SNAPC3: variants seen among roughly 807,000 people sequenced by gnomAD.
SNAPC3 encodes the protein small nuclear RNA activating complex polypeptide 3.
A neutral mutation model predicts 47.7 loss-of-function variants in SNAPC3; 56 were observed. The observed-to-expected ratio is 1.18, with a 90% confidence interval of 0.95 to 1.47. The LOEUF (loss-of-function observed/expected upper bound fraction) is 1.47, where lower values mean the gene tolerates loss of function less well. Ranked by LOEUF, SNAPC3 falls within the 40% of genes most tolerant of loss-of-function variation. SNAPC3 has a pLI of 0.00. For synonymous variants in SNAPC3, 235 were observed against 189.9 expected (o/e 1.24, Z -1.95); for missense variants, 665 against 511.3 (o/e 1.30, Z -2.90).
At chr9:15,456,559 C>A (rs1043580504) in intron 7 of SNAPC3, among the ~76,000 whole-genome samples, 5 of 152,068 alleles carry the variant, frequency 3.3e-5, no homozygotes, top group Admixed American at 2.6e-4. Flanking sequence ...CCTCAACCTC[C>A]TGGGCTGAAG....
At chr9:15,436,595 A>C (rs768732793) in intron 3 of SNAPC3, among the ~76,000 whole-genome samples, 4 of 152,114 alleles carry the variant, frequency 2.6e-5, no homozygotes, top group Non-Finnish European at 5.9e-5. Flanking sequence ...AACTTTGTTC[A>C]TGTTTTTCAA....
In SNAPC3 at chr9:15,450,140, T is replaced by G. The variant is rs543068850; in HGVS notation, c.733-1180T>G. ...TTTTGTATTGTAGCAGCTAGTCATA[T>G]GACATTAAGTACATTATACTTAATG... On this transcript the variant is annotated intron_variant, in intron 5 of 8. Coordinates refer to ENST00000380821, the MANE Select transcript of SNAPC3 (RefSeq NM_001039697.2). 3.3e-5 allele frequency among the ~76,000 whole-genome samples: 5 copies of G among 152,316 alleles called. No individual in the cohort carries two copies. In the South Asian group the frequency reaches 1.0e-3, roughly 32 times the overall value.
intron 8 of SNAPC3, 33 bp from the exon 9 acceptor site, chr9:15,459,686 G>A (rs748630357): frequency 1.7e-5 from 27 of 1,597,596 alleles, no homozygotes; most frequent in Non-Finnish European, 2.2e-5. Flanking sequence ...AAATTTGATT[G>A]TAATGATGTA....
chr9:15,423,780 C>G, intron 1 of SNAPC3, 129 bp from the exon 2 acceptor site: 1 of 481,520 alleles, frequency 2.1e-6, no homozygotes. Context: ...AAGTTCTGGC[C>G]TCTCTGAGCC....
chr9:15,430,126 C>G (rs1410374868), intron 2 of SNAPC3, among the ~76,000 whole-genome samples: 2 of 152,196 alleles, frequency 1.3e-5, no homozygotes, highest in Non-Finnish European at 2.9e-5. Flanking sequence ...CAATGACATT[C>G]ATAACATAGA....
chr9:15,433,408 A>G, intron 2 of SNAPC3, 144 bp from the exon 3 acceptor site: 1 of 643,860 alleles, frequency 1.6e-6, no homozygotes, highest in Non-Finnish European at 2.7e-6. Context: ...GGGAAGCTGA[A>G]CAAGAGATAG....
chr9:15,459,666 T>C, intron 8 of SNAPC3, 53 bp from the exon 9 acceptor site: 1 of 1,498,954 alleles, frequency 6.7e-7, no homozygotes, highest in Admixed American at 1.7e-5. Context: ...TAAAGCATGT[T>C]AAGTATGGCA....
At chr9:15,444,455 A>C in intron 3 of SNAPC3, 147 bp from the exon 4 acceptor site, 5 of 572,878 alleles carry the variant, frequency 8.7e-6, no homozygotes, top group African/African-American at 1.9e-5. Context: ...ACTAAAGCTT[A>C]GAGATGTCTT....
At chr9:15,443,075 G>T (rs967067168) in intron 3 of SNAPC3, among the ~76,000 whole-genome samples, 19 of 152,318 alleles carry the variant, frequency 1.2e-4, no homozygotes, top group African/African-American at 2.9e-4. Flanking sequence ...GCAGGCTGAG[G>T]CAGGAGAATC....
At chr9:15,440,687 C>T (rs950811400) in intron 3 of SNAPC3, among the ~76,000 whole-genome samples, 7 of 151,964 alleles carry the variant, frequency 4.6e-5, no homozygotes, top group African/African-American at 1.7e-4. Flanking sequence ...CGGTGGCTCA[C>T]GCCTGTAATC....
intron 3 of SNAPC3, among the ~76,000 whole-genome samples, chr9:15,435,381 T>C (rs1563842639): frequency 6.6e-6 from 1 of 152,168 alleles, no homozygotes; most frequent in Non-Finnish European, 1.5e-5. Context: ...CAGACCAGCC[T>C]GACCAACATG....
At position 15,449,535 on chromosome 9, in the gene SNAPC3, TTATATATATATATATA is replaced by T. The variant is rs538667627; in HGVS notation, c.733-1771_733-1756del. Among the ~76,000 whole-genome samples, 5 of 45,766 alleles carry T rather than the reference TTATATATATATATATA, an allele frequency of 1.1e-4. 1 individual carries two copies. The highest frequency in any genetic ancestry group is 3.7e-4 in the African/African-American group (5 of 13,688). The allele number at this position is 45,766 out of a possible 152,430, so 30.0% of individuals were successfully genotyped here. A position where few individuals can be genotyped will look rare whatever the true frequency, so the allele number is the denominator to read the frequency against. The stretch of plus-strand genomic sequence containing the variant: ...ATTGTTTCTGTCTCTTCTATTATTA[TTATATATATATATATA>T]TATATATATATATTTTTTTTTTTTT... On this transcript the variant is annotated intron_variant, in intron 5 of 8. Transcript: ENST00000380821.
At chr9:15,465,861 A>G (rs1223147511), downstream of SNAPC3, 1 of 328,864 alleles carries the variant, frequency 3.0e-6, no homozygotes, top group Non-Finnish European at 5.5e-6. Flanking sequence ...TTTCTAGCAT[A>G]AAAGTGAATT....
intron 5 of SNAPC3, among the ~76,000 whole-genome samples, chr9:15,448,533 T>C (rs2034119046): frequency 6.6e-6 from 1 of 152,214 alleles, no homozygotes; most frequent in South Asian, 2.1e-4. Context: ...TGGCACCTTT[T>C]CTTTTGTCCA....
intron 1 of SNAPC3, 24 bp from the exon 2 acceptor site, chr9:15,423,885 T>C (rs763678576): frequency 6.9e-7 from 1 of 1,454,194 alleles, no homozygotes; most frequent in South Asian, 1.3e-5. Context: ...GACCTTAAAG[T>C]ATTGCTTTTC....
intron 2 of SNAPC3, among the ~76,000 whole-genome samples, chr9:15,425,220 T>TGTTAC (rs1554647243): frequency 6.6e-6 from 1 of 152,198 alleles, no homozygotes; most frequent in Non-Finnish European, 1.5e-5. Flanking sequence ...TGTTATGTTA[T>TGTTAC]GTTACGTTAT....
At chr9:15,430,770 C>T (rs910298047) in intron 2 of SNAPC3, among the ~76,000 whole-genome samples, 4 of 152,066 alleles carry the variant, frequency 2.6e-5, no homozygotes, top group Non-Finnish European at 5.9e-5. Flanking sequence ...GAAATCCACA[C>T]GGTAATATTT....
chr9:15,444,518 A>G (rs1322666144), intron 3 of SNAPC3, 84 bp from the exon 4 acceptor site: 4 of 819,252 alleles, frequency 4.9e-6, no homozygotes, highest in Non-Finnish European at 6.1e-6. Flanking sequence ...GCTTGACTCG[A>G]TCCCTTGCTG....
At chr9:15,437,115 G>A (rs1346243218) in intron 3 of SNAPC3, among the ~76,000 whole-genome samples, 2 of 152,022 alleles carry the variant, frequency 1.3e-5, no homozygotes, top group African/African-American at 2.4e-5. Flanking sequence ...GTGAGCCACC[G>A]TGCCCAGCCT....
Sources: gnomAD v4.1 joint callset for allele counts (sites outside exome capture counted in the v4.1 genomes callset) on GRCh38, gnomAD v4.1.1 for gene constraint, MANE v1.5 for transcripts, NCBI Gene and HGNC (gene_info 2026-07-23, HGNC 2026-07-21) for gene names.